The following FEZF2 variants were observed in gnomAD, a reference collection of about 807,000 sequenced individuals.
FEZF2 encodes the protein fez family zinc finger protein 2.
In FEZF2, 2 loss-of-function variants were observed where a neutral mutation model predicts 32.8. That is an observed-to-expected ratio of 0.06 (90% CI 0.02 to 0.19). The LOEUF (loss-of-function observed/expected upper bound fraction) is 0.19, where lower values mean the gene tolerates loss of function less well. Among genes scored for constraint, FEZF2 ranks in the 10% least tolerant of loss-of-function variants. The probability of loss-of-function intolerance (pLI) is 1.00; values close to 1 mark genes in which losing one functional copy is unlikely to be tolerated. For missense variants in FEZF2, 516 were observed against 625.4 expected, an observed-to-expected ratio of 0.83 and a Z score of 1.87; for synonymous variants, 322 against 284.8, an observed-to-expected ratio of 1.13 and a Z score of -1.32.
chr3:62,371,165 G>T lies in FEZF2; in HGVS notation c.1120+52C>A. ...CTTTGCCTTCCTGCCAGCCAGCCGC[G>T]ACCCGAGTCCTGAGGTGAGGTGAGA... On this transcript the variant is annotated intron_variant, in intron 4 of 4. Transcript: ENST00000283268. 4.3e-6 allele frequency: 7 copies of T among 1,613,432 alleles called. No individual in the cohort carries two copies. The South Asian group carries it at 6.6e-5, about 15-fold the overall frequency.
chr3:62,371,819 C>T, intron 2 of FEZF2, 152 bp from the exon 3 acceptor site: 2 of 1,398,232 alleles, frequency 1.4e-6, no homozygotes, highest in Non-Finnish European at 1.9e-6. Context: ...CTCCTGCTTA[C>T]ACCAATACTG....
rs138874355 is a variant in FEZF2 at position 62,372,764 on chromosome 3, G to T, written c.105C>A (p.Ile35=). 5.7e-4 allele frequency: 906 copies of T among 1,601,198 alleles called. 1 individual carries two copies. Among genetic ancestry groups the T allele is most frequent in the Non-Finnish European group, 7.0e-4 (816 of 1,173,610 alleles). The part of the protein sequence containing the change: ...SKTLAFSIER[I]MAKTSEPRAP... ...CACGGGGCTCCGACGTCTTGGCCATGATGCGCTCGATGGAAAAGGCCAGTG... is the reference window on the plus strand; with the variant it reads ...CACGGGGCTCCGACGTCTTGGCCATTATGCGCTCGATGGAAAAGGCCAGTG... The change falls in exon 2 of 5, where the codon ATC becomes ATA. Residue 35 remains isoleucine, a synonymous_variant. Coordinates refer to ENST00000283268, the MANE Select transcript of FEZF2 (RefSeq NM_018008.4). This position sits in a 1 kb window ranked among gnomAD's most constrained non-coding sequence, Gnocchi z 9.6.
intron 2 of FEZF2, 100 bp downstream of exon 2, chr3:62,371,917 G>A (rs1704275315): frequency 2.7e-6 from 4 of 1,489,956 alleles, no homozygotes; most frequent in African/African-American, 2.8e-5. Context: ...AACTACTGGG[G>A]AGCTCCTCAG....
In FEZF2 at chr3:62,372,955, A is replaced by T; in HGVS notation, c.-58-29T>A. The T allele has an allele frequency of 1.6e-6, 2 of 1,271,020 alleles. No individual in the cohort carries two copies. Among genetic ancestry groups the T allele is most frequent in the Non-Finnish European group, 2.0e-6 (2 of 988,042 alleles). 78.7% of individuals were successfully genotyped at this position (1,271,020 alleles called of 1,614,324 possible). On this transcript the variant is annotated intron_variant, in intron 1 of 4. Coordinates refer to ENST00000283268, the MANE Select transcript of FEZF2 (RefSeq NM_018008.4). This position sits in a 1 kb window ranked among gnomAD's most constrained non-coding sequence, Gnocchi z 9.6. The stretch of plus-strand genomic sequence containing the variant: ...CATTCCGGAAAAGGCAGGGGGGAAA[A>T]CTGCAATTTAATAAGCACCTAGTCG...
In FEZF2 at chr3:62,372,928, T is replaced by C; in HGVS notation, c.-58-2A>G. 7.6e-7 allele frequency: 1 copy of C among 1,323,720 alleles called. No individual in the cohort carries two copies. The highest frequency in any genetic ancestry group is 3.0e-5 in the East Asian group (1 of 33,034). The allele number at this position is 1,323,720 out of a possible 1,614,324, so 82.0% of individuals were successfully genotyped here. A position where few individuals can be genotyped will look rare whatever the true frequency, so the allele number is the denominator to read the frequency against. ...GGGCGCAGCCTCTCTCCTCTAAGTC[T>C]GCATTCCGGAAAAGGCAGGGGGGAA... On this transcript the variant is annotated splice_acceptor_variant, in intron 1 of 4. Coordinates refer to ENST00000283268, the MANE Select transcript of FEZF2 (RefSeq NM_018008.4). LOFTEE classifies it low-confidence loss of function (5UTR_SPLICE). This position sits in a 1 kb window ranked among gnomAD's most constrained non-coding sequence, Gnocchi z 9.6.
chr3:62,372,545 G>T lies in FEZF2; in HGVS notation c.324C>A (p.Gly108=), dbSNP rs376811344. 1 of 1,328,746 alleles carries T rather than the reference G, an allele frequency of 7.5e-7. No homozygotes were observed. Among genetic ancestry groups the T allele is most frequent in the Non-Finnish European group, 9.6e-7 (1 of 1,038,060 alleles). The allele number at this position is 1,328,746 out of a possible 1,614,324, so 82.3% of individuals were successfully genotyped here. Residue 108 remains glycine (G), a synonymous_variant, in exon 2 of 5, where the codon GGC becomes GGA. Coordinates refer to ENST00000283268, the MANE Select transcript of FEZF2 (RefSeq NM_018008.4). The surrounding 1 kb of genome is among the most constrained non-coding windows in gnomAD (Gnocchi z 9.6). ...CCCCGCCGCCGCCGCCGCCACCGCC[G>T]CCGCCGCCTCCGCCGCCGCCCGCCC... ...SLRAGGGGGG[G]GGGGGGGGGA...
Position 62,370,467 on chromosome 3 carries a change from G to A in FEZF2, c.1121-125C>T. 1.0e-6 allele frequency: 1 copy of A among 979,500 alleles called. No individual in the cohort carries two copies. Among genetic ancestry groups the A allele is most frequent in the Non-Finnish European group, 1.5e-6 (1 of 653,726 alleles). The allele number at this position is 979,500 out of a possible 1,614,324, so 60.7% of individuals were successfully genotyped here. A position where few individuals can be genotyped will look rare whatever the true frequency, so the allele number is the denominator to read the frequency against. Reference sequence around the variant, plus strand: ...AGGCGACGCTTGGCTAGGCGGGCGCGACCTCTTCGAGTGAAGAAGTTGTCA... The same window carrying A: ...AGGCGACGCTTGGCTAGGCGGGCGCAACCTCTTCGAGTGAAGAAGTTGTCA... On this transcript the variant is annotated intron_variant, in intron 4 of 4. Transcript: ENST00000283268. The surrounding 1 kb of genome is among the most constrained non-coding windows in gnomAD (Gnocchi z 4.2).
Position 62,369,710 on chromosome 3 carries a change from T to G in FEZF2, c.*373A>C. 4.6e-6 allele frequency: 1 copy of G among 216,338 alleles called. No individual in the cohort carries two copies. The highest frequency in any genetic ancestry group is 9.3e-6 in the Non-Finnish European group (1 of 107,548). The allele number at this position is 216,338 out of a possible 1,614,324, so 13.4% of individuals were successfully genotyped here. A position where few individuals can be genotyped will look rare whatever the true frequency, so the allele number is the denominator to read the frequency against. On this transcript the variant is annotated 3_prime_UTR_variant, in exon 5 of 5. Coordinates refer to ENST00000283268, the MANE Select transcript of FEZF2 (RefSeq NM_018008.4). The surrounding 1 kb of genome is among the most constrained non-coding windows in gnomAD (Gnocchi z 4.2). ...GTTTATTGAGTTATATATGTATATATTCCGTGTTCGCTTGTACAGGAGGAT... is the reference window on the plus strand; with the variant it reads ...GTTTATTGAGTTATATATGTATATAGTCCGTGTTCGCTTGTACAGGAGGAT...
In FEZF2 at chr3:62,371,998, G is replaced by C. The variant is rs751344956; in HGVS notation, c.852+19C>G. 3 of 1,596,242 alleles carry C rather than the reference G, an allele frequency of 1.9e-6. No homozygotes were observed. In the African/African-American group the frequency reaches 4.0e-5, roughly 21 times the overall value. ...CCGATCGCCCCTCCCGGCCCCCCTC[G>C]CCGAACCCTGGGCCTCACCTTGCCG... On this transcript the variant is annotated intron_variant, in intron 2 of 4. Transcript: ENST00000283268.
In FEZF2 at chr3:62,372,835, G is replaced by T. The variant is rs758328147; in HGVS notation, c.34C>A (p.Pro12Thr). ...GCTCCGGCGCGCGGGCAGGCCGGGG[G>T]CACCATGGTCTCCAGGGAAGCCGAG... ...ASSASLETMVPPACPRAGASP... is the reference protein window; with the variant it reads ...ASSASLETMVTPACPRAGASP... The change falls in exon 2 of 5, where the codon CCC (proline) becomes ACC (threonine). Residue 12 changes from proline (P) to threonine (T), a missense_variant. Pro to Thr is a conservative substitution (Grantham distance 38). Transcript: ENST00000283268. This position sits in a 1 kb window ranked among gnomAD's most constrained non-coding sequence, Gnocchi z 9.6. 6.7e-7 allele frequency: 1 copy of T among 1,502,686 alleles called. No homozygotes were observed. Among genetic ancestry groups the T allele is most frequent in the Non-Finnish European group, 8.9e-7 (1 of 1,119,002 alleles). 93.1% of individuals were successfully genotyped at this position (1,502,686 alleles called of 1,614,324 possible).
chr3:62,372,758 G>T lies in FEZF2; in HGVS notation c.111C>A (p.Ala37=). The T allele has an allele frequency of 1.2e-6, 2 of 1,602,544 alleles. No individual in the cohort carries two copies. Among genetic ancestry groups the T allele is most frequent in the Non-Finnish European group, 1.7e-6 (2 of 1,174,282 alleles). ...TLAFSIERIM[A]KTSEPRAPFE... ...AGGGCGCACGGGGCTCCGACGTCTT[G>T]GCCATGATGCGCTCGATGGAAAAGG... Residue 37 remains alanine, a synonymous_variant, in exon 2 of 5, where the codon GCC becomes GCA. Transcript: ENST00000283268. This position sits in a 1 kb window ranked among gnomAD's most constrained non-coding sequence, Gnocchi z 9.6.
rs1704271639 is a variant in FEZF2 at position 62,371,722 on chromosome 3, G to GC, written c.853-56dup. 1.3e-5 allele frequency: 21 copies of GC among 1,557,652 alleles called. No homozygotes were observed. In the South Asian group the frequency reaches 2.3e-4, roughly 17 times the overall value. Reference sequence around the variant, plus strand: ...GCGTCTGTCCGAGGGCCTACAATCAGCCCCGGGGGGGCCACAGCCTACCTC... The same window carrying GC: ...GCGTCTGTCCGAGGGCCTACAATCAGCCCCCGGGGGGGCCACAGCCTACCTC... On this transcript the variant is annotated intron_variant, in intron 2 of 4. Coordinates refer to ENST00000283268, the MANE Select transcript of FEZF2 (RefSeq NM_018008.4).
Position 62,370,986 on chromosome 3 carries a change from C to T in FEZF2, c.1120+231G>A, listed in dbSNP as rs1164431847. Among the ~76,000 whole-genome samples the T allele has an allele frequency of 6.6e-6, 1 of 152,228 alleles. No individual in the cohort carries two copies. The highest frequency in any genetic ancestry group is 1.9e-4 in the East Asian group (1 of 5,182). On this transcript the variant is annotated intron_variant, in intron 4 of 4. Transcript: ENST00000283268. The surrounding 1 kb of genome is among the most constrained non-coding windows in gnomAD (Gnocchi z 4.2). ...CTTCTGTCCCCGTGCTTCCTTCGACCTCTCGAATTCGGAGTCTCTCAGTGC... is the reference window on the plus strand; with the variant it reads ...CTTCTGTCCCCGTGCTTCCTTCGACTTCTCGAATTCGGAGTCTCTCAGTGC...
Position 62,373,179 on chromosome 3 carries a change from C to T in FEZF2, c.-59+100G>A, listed in dbSNP as rs1034006110. ...GAGAAAAGAGTCTCAAATTAACCCC[C>T]CTGAGCCCTTCCCTGGACCCGGGCC... On this transcript the variant is annotated intron_variant, in intron 1 of 4. Transcript: ENST00000283268. This position sits in a 1 kb window ranked among gnomAD's most constrained non-coding sequence, Gnocchi z 5.5. The T allele has an allele frequency of 2.3e-5, 7 of 301,974 alleles. No individual in the cohort carries two copies. In the East Asian group the frequency reaches 3.7e-4, roughly 16 times the overall value. The allele number at this position is 301,974 out of a possible 1,614,324, so 18.7% of individuals were successfully genotyped here. A position where few individuals can be genotyped will look rare whatever the true frequency, so the allele number is the denominator to read the frequency against.
rs1469495029 is a variant in FEZF2, at chr3:62,370,110, C to A, written c.1353G>T (p.Lys451Asn). The A allele has an allele frequency of 6.2e-7, 1 of 1,614,176 alleles. No individual in the cohort carries two copies. The highest frequency in any genetic ancestry group is 8.5e-7 in the Non-Finnish European group (1 of 1,180,042). The change falls in exon 5 of 5, where the codon AAG becomes AAT. Residue 451 changes from lysine (K) to asparagine (N), a missense_variant. By Grantham distance (94) the Lys-to-Asn change is moderately conservative. This residue lies in a region of FEZF2 where 29 missense variants were observed against 23.8 expected (regional missense o/e 1.22). Transcript: ENST00000283268. This position sits in a 1 kb window ranked among gnomAD's most constrained non-coding sequence, Gnocchi z 4.2. ...DSVGPAAPSA[K>N]DLTRTVQS is the part of the protein sequence containing the mutation. The stretch of plus-strand genomic sequence containing the variant: ...AGCTCTGCACTGTCCTAGTCAGGTC[C>A]TTTGCGGAGGGGGCAGCAGGGCCCA...
rs1704294419 is a variant in FEZF2 at position 62,372,845 on chromosome 3, C to G, written c.24G>C (p.Glu8Asp). Residue 8 changes from glutamate to aspartate, a missense_variant, in exon 2 of 5, where the codon GAG becomes GAC. By Grantham distance (45) the Glu-to-Asp change is conservative. Transcript: ENST00000283268. This position sits in a 1 kb window ranked among gnomAD's most constrained non-coding sequence, Gnocchi z 9.6. MASSASL[E>D]TMVPPACPRA... ...GCGGGCAGGCCGGGGGCACCATGGT[C>G]TCCAGGGAAGCCGAGCTTGCCATGG... is the stretch of plus-strand genomic sequence containing the variant. 1 of 1,473,566 alleles carries G rather than the reference C, an allele frequency of 6.8e-7. No homozygotes were observed. The highest frequency in any genetic ancestry group is 2.7e-5 in the East Asian group (1 of 37,504). The allele number at this position is 1,473,566 out of a possible 1,614,324, so 91.3% of individuals were successfully genotyped here.
At chr3:62,371,874 T>G (rs1704274717) in intron 2 of FEZF2, 143 bp downstream of exon 2, 2 of 1,415,748 alleles carry the variant, frequency 1.4e-6, no homozygotes, top group Non-Finnish European at 1.9e-6. Context: ...AATAGGAAAC[T>G]GAGGCCCAAC....
In FEZF2 at chr3:62,369,938, G is replaced by C; in HGVS notation, c.*145C>G. 9.5e-7 allele frequency: 1 copy of C among 1,058,092 alleles called. No individual in the cohort carries two copies. Among genetic ancestry groups the C allele is most frequent in the Non-Finnish European group, 1.3e-6 (1 of 765,226 alleles). 65.5% of individuals were successfully genotyped at this position (1,058,092 alleles called of 1,614,324 possible). On this transcript the variant is annotated 3_prime_UTR_variant, in exon 5 of 5. Coordinates refer to ENST00000283268, the MANE Select transcript of FEZF2 (RefSeq NM_018008.4). This position sits in a 1 kb window ranked among gnomAD's most constrained non-coding sequence, Gnocchi z 4.2. ...CTGCCAGTCATCGAGGAAACATTTA[G>C]CTTTCCAAAAATATGCTGGTTTCGA...
chr3:62,370,351 G>T lies in FEZF2; in HGVS notation c.1121-9C>A. Reference sequence around the variant, plus strand: ...GTGGTTCTTGTAGTTCCCTACAACAGATCAAGAACAAAAAACGTGGGGGTA... The same window carrying T: ...GTGGTTCTTGTAGTTCCCTACAACATATCAAGAACAAAAAACGTGGGGGTA... On this transcript the variant is annotated splice_polypyrimidine_tract_variant and intron_variant, in intron 4 of 4. Transcript: ENST00000283268. This position sits in a 1 kb window ranked among gnomAD's most constrained non-coding sequence, Gnocchi z 4.2. The T allele has an allele frequency of 1.2e-6, 2 of 1,611,984 alleles. No individual in the cohort carries two copies. The highest frequency in any genetic ancestry group is 1.7e-6 in the Non-Finnish European group (2 of 1,178,398).
Sources: gnomAD v4.1 joint callset for allele counts (sites outside exome capture counted in the v4.1 genomes callset) on GRCh38, gnomAD v4.1.1 for gene constraint, gnomAD v4.1.1 regional missense constraint, Gnocchi (gnomAD v3.1) non-coding constraint, MANE v1.5 for transcripts, NCBI Gene and HGNC (gene_info 2026-07-23, HGNC 2026-07-21) for gene names.